Variants in GFOD1 observed in about 807,000 individuals in gnomAD.
The protein encoded by GFOD1 is Gfo/Idh/MocA-like oxidoreductase domain containing 1.
Under a neutral mutation model 25.4 loss-of-function variants are expected in GFOD1, and 9 were observed. That is an observed-to-expected ratio of 0.35 (90% CI 0.21 to 0.62). GFOD1 has a LOEUF of 0.62. Ranked by LOEUF, GFOD1 falls within the 20% of genes least tolerant of loss-of-function variation. The probability of loss-of-function intolerance (pLI) is 0.72; values close to 1 mark genes in which losing one functional copy is unlikely to be tolerated. For missense variants in GFOD1, 403 were observed against 556.9 expected (o/e 0.72, Z 2.78); for synonymous variants, 253 against 245.6 (o/e 1.03, Z -0.28).
chr6:13,393,656 AT>A (rs1450349997), intron 1 of GFOD1, among the ~76,000 whole-genome samples: 1 of 152,030 alleles, frequency 6.6e-6, no homozygotes, highest in African/African-American at 2.4e-5. Context: ...TGAGTTTTTA[AT>A]TTTTAAAAAA....
chr6:13,374,342 C>T (rs1338778126), intron 1 of GFOD1, among the ~76,000 whole-genome samples: 7 of 148,764 alleles, frequency 4.7e-5, no homozygotes, highest in Non-Finnish European at 8.9e-5. Flanking sequence ...CTCACTCTAT[C>T]GCCTAGGCTG....
intron 1 of GFOD1, among the ~76,000 whole-genome samples, chr6:13,397,950 A>G (rs1785767538): frequency 6.6e-6 from 1 of 152,230 alleles, no homozygotes; most frequent in Non-Finnish European, 1.5e-5. Context: ...TACTCCCTCT[A>G]TCTTCCAAAG....
chr6:13,394,466 A>ATTTTTTTTTT lies in GFOD1; in HGVS notation c.254-28814_254-28805dup, dbSNP rs70989855. 7.3e-3 allele frequency among the ~76,000 whole-genome samples: 551 copies of ATTTTTTTTTT among 75,908 alleles called. 67 individuals are homozygous for ATTTTTTTTTT. The highest frequency in any genetic ancestry group is 0.029 in the African/African-American group (528 of 18,258). The allele number at this position is 75,908 out of a possible 152,430, so 49.8% of individuals were successfully genotyped here. ...GCATATCTGCTTTTGTACCCTTTGAATTTTTTTTTTTTTTTTTTTTTTTTT... is the reference window on the plus strand; with the variant it reads ...GCATATCTGCTTTTGTACCCTTTGAATTTTTTTTTTTTTTTTTTTTTTTTTTTTTTTTTTT... On this transcript the variant is annotated intron_variant, in intron 1 of 1. Coordinates refer to ENST00000379287, the MANE Select transcript of GFOD1 (RefSeq NM_018988.4).
intron 1 of GFOD1, among the ~76,000 whole-genome samples, chr6:13,397,473 C>T (rs1412467436): frequency 1.3e-5 from 2 of 152,230 alleles, no homozygotes; most frequent in African/African-American, 4.8e-5. Context: ...TCTTTCACCT[C>T]CAGGCCCTCT....
chr6:13,441,679 A>G (rs1293015136), intron 1 of GFOD1, among the ~76,000 whole-genome samples: 3 of 152,230 alleles, frequency 2.0e-5, no homozygotes, highest in East Asian at 3.8e-4. Flanking sequence ...AATTTGACAT[A>G]GACTAATTGA....
At chr6:13,485,862 C>T (rs1186715046) in intron 1 of GFOD1, 2 of 211,042 alleles carry the variant, frequency 9.5e-6, no homozygotes, top group Non-Finnish European at 8.2e-6. Flanking sequence ...TCTATTACTC[C>T]AAATTGGGGC....
chr6:13,409,107 A>AAGAG (rs1292449744), intron 1 of GFOD1, among the ~76,000 whole-genome samples: 2 of 72,126 alleles, frequency 2.8e-5, no homozygotes, highest in East Asian at 8.2e-4. Flanking sequence ...GAAAGAAAGA[A>AAGAG]AGAAAGAAAG....
intron 1 of GFOD1, among the ~76,000 whole-genome samples, chr6:13,409,215 G>GAAAGAAAGAAAGAAGGAA (rs1562209633): frequency 2.9e-5 from 1 of 34,106 alleles, no homozygotes; most frequent in Non-Finnish European, 2.0e-4. Context: ...AAGAAGGAAA[G>GAAAGAAAGAAAGAAGGAA]AGAGAGAGAG....
chr6:13,383,811 G>T (rs375118873), intron 1 of GFOD1, among the ~76,000 whole-genome samples: 13 of 152,194 alleles, frequency 8.5e-5, no homozygotes, highest in Non-Finnish European at 1.5e-4. Flanking sequence ...GTGGAGCACT[G>T]AACCACTTTT....
intron 1 of GFOD1, among the ~76,000 whole-genome samples, chr6:13,375,914 C>T (rs1213751078): frequency 6.6e-6 from 1 of 152,232 alleles, no homozygotes; most frequent in Non-Finnish European, 1.5e-5. Context: ...TCCCATACAT[C>T]TCCATCTCTA....
intron 1 of GFOD1, among the ~76,000 whole-genome samples, chr6:13,481,558 TACACACACACACACACACACAC>T (rs55888360): frequency 4.6e-5 from 7 of 150,676 alleles, no homozygotes; most frequent in East Asian, 2.0e-4. Context: ...AGTGATACCT[TACACACACACACACACACACAC>T]ACACACACAC....
chr6:13,404,348 GACCGAGGA>G (rs1302317382), intron 1 of GFOD1, among the ~76,000 whole-genome samples: 1 of 152,212 alleles, frequency 6.6e-6, no homozygotes, highest in African/African-American at 2.4e-5. Flanking sequence ...CAGCCAGGAA[GACCGAGGA>G]ACTTGCCTAA....
intron 1 of GFOD1, among the ~76,000 whole-genome samples, chr6:13,411,263 T>C (rs1786071682): frequency 6.6e-6 from 1 of 152,134 alleles, no homozygotes; most frequent in African/African-American, 2.4e-5. Context: ...CATTACCAAG[T>C]GAGGATCCAC....
intron 1 of GFOD1, among the ~76,000 whole-genome samples, chr6:13,428,330 G>A (rs969114249): frequency 6.6e-6 from 1 of 152,144 alleles, no homozygotes; most frequent in African/African-American, 2.4e-5. Context: ...GCCTCACTCA[G>A]CCCAGAGTGA....
At chr6:13,482,823 A>G (rs1163178557) in intron 1 of GFOD1, among the ~76,000 whole-genome samples, 3 of 152,140 alleles carry the variant, frequency 2.0e-5, no homozygotes, top group Admixed American at 2.0e-4. Flanking sequence ...CTTGAAAAAT[A>G]TATATTATTT....
Position 13,487,026 on chromosome 6 carries a change from C to A in GFOD1, c.-136G>T. 8.9e-7 allele frequency: 1 copy of A among 1,124,530 alleles called. No individual in the cohort carries two copies. 69.7% of individuals were successfully genotyped at this position (1,124,530 alleles called of 1,614,324 possible). The stretch of plus-strand genomic sequence containing the variant: ...GGTGCGCCAGCCGCCGTGCACCGGG[C>A]AAGGCGCCCGGGTGCCCAGAGCGCA... On this transcript the variant is annotated 5_prime_UTR_variant, in exon 1 of 2. Coordinates refer to ENST00000379287, the MANE Select transcript of GFOD1 (RefSeq NM_018988.4). This position sits in a 1 kb window ranked among gnomAD's most constrained non-coding sequence, Gnocchi z 4.9.
chr6:13,409,708 T>C (rs188093230), intron 1 of GFOD1, among the ~76,000 whole-genome samples: 179 of 152,022 alleles, frequency 1.2e-3, no homozygotes, highest in African/African-American at 4.0e-3. Flanking sequence ...GATCACGAGG[T>C]TGGGAGATTG....
chr6:13,384,686 C>A (rs1306339096), intron 1 of GFOD1, among the ~76,000 whole-genome samples: 1 of 152,212 alleles, frequency 6.6e-6, no homozygotes, highest in African/African-American at 2.4e-5. Flanking sequence ...ACCACTGACA[C>A]GCTAACTCGC....
At chr6:13,404,249 C>T (rs915333011) in intron 1 of GFOD1, among the ~76,000 whole-genome samples, 1 of 152,174 alleles carries the variant, frequency 6.6e-6, no homozygotes, top group South Asian at 2.1e-4. Context: ...CAGGCTCAGC[C>T]TTTTCTTGCA....
Sources: allele counts gnomAD v4.1 joint callset (sites outside exome capture counted in the v4.1 genomes callset), GRCh38; gene constraint gnomAD v4.1.1; non-coding constraint Gnocchi (gnomAD v3.1); transcripts MANE v1.5; gene names NCBI Gene and HGNC (gene_info 2026-07-23, HGNC 2026-07-21).